The following EDIL3 variants were observed in gnomAD, a reference collection of about 807,000 sequenced individuals.
EDIL3 encodes EGF-like repeat and discoidin I-like domain-containing protein 3.
A neutral mutation model predicts 67.4 loss-of-function variants in EDIL3; 37 were observed. The observed-to-expected ratio is 0.55, with a 90% CI of 0.42 to 0.72. The LOEUF (loss-of-function observed/expected upper bound fraction) is 0.72, where lower values mean the gene tolerates loss of function less well. Among genes scored for constraint, EDIL3 ranks in the 30% least tolerant of loss-of-function variants. EDIL3 has a pLI of 0.00. For missense variants in EDIL3, 527 were observed against 586.3 expected, an observed-to-expected ratio of 0.90 and a Z score of 1.04; for synonymous variants, 195 against 196.3, an observed-to-expected ratio of 0.99 and a Z score of 0.05.
At chr5:84,064,919 C>G (rs1335941049) in intron 7 of EDIL3, 75 bp from the exon 8 acceptor site, 2 of 1,446,838 alleles carry the variant, frequency 1.4e-6, no homozygotes, top group Middle Eastern at 1.9e-4. Context: ...CCTATCTATA[C>G]CTTATCGAAA....
intron 1 of EDIL3, among the ~76,000 whole-genome samples, chr5:84,260,863 T>A (rs1033869924): frequency 1.3e-4 from 20 of 152,196 alleles, no homozygotes; most frequent in African/African-American, 4.8e-4. Context: ...CCACAGAATG[T>A]TACCTCACTA....
At chr5:84,004,087 T>C (rs1229853064) in intron 9 of EDIL3, among the ~76,000 whole-genome samples, 1 of 151,722 alleles carries the variant, frequency 6.6e-6, no homozygotes, top group Non-Finnish European at 1.5e-5. Flanking sequence ...AGAAGTACAC[T>C]ATATAATGAT....
At chr5:84,363,063 C>A (rs1447277592) in intron 1 of EDIL3, among the ~76,000 whole-genome samples, 2 of 151,886 alleles carry the variant, frequency 1.3e-5, no homozygotes, top group African/African-American at 2.4e-5. Flanking sequence ...ATTTATTCTA[C>A]TTTAAGTATA....
intron 5 of EDIL3, among the ~76,000 whole-genome samples, chr5:84,111,086 C>T (rs1580331891): frequency 6.6e-6 from 1 of 152,066 alleles, no homozygotes; most frequent in Non-Finnish European, 1.5e-5. Context: ...GTGTGTGGCA[C>T]GTCTCTCTTC....
At chr5:84,259,345 T>C (rs1438252862) in intron 1 of EDIL3, among the ~76,000 whole-genome samples, 1 of 152,184 alleles carries the variant, frequency 6.6e-6, no homozygotes, top group Non-Finnish European at 1.5e-5. Flanking sequence ...GATTTCATGG[T>C]TATTTATCCT....
chr5:84,141,933 A>C (rs1464142063), intron 4 of EDIL3, among the ~76,000 whole-genome samples: 252 of 134,984 alleles, frequency 1.9e-3, no homozygotes, highest in African/African-American at 6.9e-3. Context: ...ACACATATAT[A>C]TATATATATA....
chr5:84,043,649 T>A (rs563939940), intron 9 of EDIL3, among the ~76,000 whole-genome samples: 30 of 152,322 alleles, frequency 2.0e-4, no homozygotes, highest in African/African-American at 7.2e-4. Flanking sequence ...AGTTCTGCCA[T>A]TTGCAGGATT....
intron 8 of EDIL3, 62 bp from the exon 9 acceptor site, chr5:84,060,546 T>C: frequency 6.3e-7 from 1 of 1,576,692 alleles, no homozygotes. Flanking sequence ...CTTTTCTGCA[T>C]TCATTTTGGA....
At chr5:83,990,238 C>T (rs2269277) in intron 9 of EDIL3, among the ~76,000 whole-genome samples, 9,702 of 152,140 alleles carry the variant, frequency 0.064, 355 homozygotes, top group South Asian at 0.13. Flanking sequence ...ACCATAATCC[C>T]AGCACTTTGG....
At chr5:83,948,942 T>C (rs1017648202) in intron 10 of EDIL3, among the ~76,000 whole-genome samples, 1 of 151,820 alleles carries the variant, frequency 6.6e-6, no homozygotes, top group African/African-American at 2.4e-5. Flanking sequence ...AGCCTCAATA[T>C]GAGTACATTC....
At chr5:84,242,093 G>A (rs915089791) in intron 2 of EDIL3, among the ~76,000 whole-genome samples, 3 of 150,662 alleles carry the variant, frequency 2.0e-5, no homozygotes, top group Admixed American at 6.6e-5. Context: ...TTAGCCAGGC[G>A]TGGTGGTGGG....
At chr5:84,008,954 A>G (rs1043166977) in intron 9 of EDIL3, among the ~76,000 whole-genome samples, 2 of 152,138 alleles carry the variant, frequency 1.3e-5, no homozygotes, top group Admixed American at 6.6e-5. Flanking sequence ...CTGGGATTAC[A>G]GGTATGCACC....
intron 3 of EDIL3, among the ~76,000 whole-genome samples, chr5:84,219,353 T>A (rs764215426): frequency 6.6e-6 from 1 of 152,216 alleles, no homozygotes; most frequent in Non-Finnish European, 1.5e-5. Context: ...TAAAAAATTC[T>A]TGAGAAAAAT....
At chr5:83,946,003 T>C (rs746191725) in intron 10 of EDIL3, among the ~76,000 whole-genome samples, 4 of 151,986 alleles carry the variant, frequency 2.6e-5, no homozygotes, top group Non-Finnish European at 5.9e-5. Context: ...GCTGTTTTCT[T>C]ATCTCAAGCA....
In EDIL3 at chr5:84,060,397, T is replaced by C. The variant is rs1397733085; in HGVS notation, c.1040A>G (p.Asp347Gly). The C allele has an allele frequency of 6.2e-7, 1 of 1,613,838 alleles. No individual in the cohort carries two copies. Among genetic ancestry groups the C allele is most frequent in the Non-Finnish European group, 8.5e-7 (1 of 1,179,844 alleles). ...ASSIFRTLNM[D>G]MFTWEPRKAR... ...TTTCCTTGGTTCCCAAGTGAACATG[T>C]CCATGTTGAGCGTTCTGAAGATGCT... Residue 347 changes from aspartate (D) to glycine (G), a missense_variant, in exon 9 of 11, where the codon GAC becomes GGC. Physicochemically the swap from Asp to Gly is moderately conservative, Grantham distance 94 (BLOSUM62 -1). This residue lies in a region of EDIL3 where 494 missense variants were observed against 522.5 expected (regional missense o/e 0.95). Coordinates refer to ENST00000296591, the MANE Select transcript of EDIL3 (RefSeq NM_005711.5).
Position 84,297,177 on chromosome 5 carries a change from G to GAAA in EDIL3, c.68-42968_68-42966dup, listed in dbSNP as rs61365875. On this transcript the variant is annotated intron_variant, in intron 1 of 10. Transcript: ENST00000296591. ...AGCCTGGGCGACAGAGCAAGACTCC[G>GAAA]AAAAAAAAAAAAAAAAAAAAGACAC... Among the ~76,000 whole-genome samples, 231 of 63,146 alleles carry GAAA rather than the reference G, an allele frequency of 3.7e-3. 7 individuals carry two copies. The highest frequency in any genetic ancestry group is 8.5e-3 in the Admixed American group (40 of 4,702). The allele number at this position is 63,146 out of a possible 152,430, so 41.4% of individuals were successfully genotyped here.
chr5:83,971,853 A>T (rs78634689), intron 9 of EDIL3, among the ~76,000 whole-genome samples: 4 of 152,072 alleles, frequency 2.6e-5, no homozygotes, highest in Non-Finnish European at 4.4e-5. Flanking sequence ...GGTCTAAAGC[A>T]CAAGACTCTC....
At chr5:84,345,458 T>A (rs981301355) in intron 1 of EDIL3, among the ~76,000 whole-genome samples, 2 of 152,002 alleles carry the variant, frequency 1.3e-5, no homozygotes, top group African/African-American at 4.8e-5. Flanking sequence ...AATTTAAGAA[T>A]TGAATTAAAG....
At chr5:84,377,037 G>A (rs1747981066) in intron 1 of EDIL3, among the ~76,000 whole-genome samples, 1 of 152,180 alleles carries the variant, frequency 6.6e-6, no homozygotes, top group African/African-American at 2.4e-5. Context: ...GATAAAGAGT[G>A]CAGCAGAGGC....
Sources: allele counts gnomAD v4.1 joint callset (sites outside exome capture counted in the v4.1 genomes callset), GRCh38; gene constraint gnomAD v4.1.1; regional missense constraint gnomAD v4.1.1; transcripts MANE v1.5; gene names NCBI Gene and HGNC (gene_info 2026-07-23, HGNC 2026-07-21).